PCDH9: variants seen among roughly 807,000 people sequenced by gnomAD.
PCDH9 encodes protocadherin-9.
A neutral mutation model predicts 70.6 loss-of-function variants in PCDH9; 24 were observed. The observed-to-expected ratio is 0.34, with a 90% CI of 0.25 to 0.48. The LOEUF is 0.48. Ranked by LOEUF, PCDH9 falls within the 20% of genes least tolerant of loss-of-function variation. The pLI, the probability that PCDH9 is intolerant of heterozygous loss-of-function variation, is 0.99. For missense variants in PCDH9, 1,281 were observed against 1,503.6 expected, an observed-to-expected ratio of 0.85 and a Z score of 2.45; for synonymous variants, 562 against 558.5, an observed-to-expected ratio of 1.01 and a Z score of -0.09.
chr13:66,675,472 C>T (rs192520406), intron 3 of PCDH9, among the ~76,000 whole-genome samples: 451 of 152,140 alleles, frequency 3.0e-3, no homozygotes, highest in African/African-American at 0.01. Flanking sequence ...TGGTTATAGA[C>T]GCTGCTATGT....
chr13:66,685,388 A>C (rs1291819186), intron 3 of PCDH9, among the ~76,000 whole-genome samples: 1 of 152,206 alleles, frequency 6.6e-6, no homozygotes, highest in African/African-American at 2.4e-5. Context: ...TCAAAAATTG[A>C]GGTTTGAGAA....
chr13:66,816,183 G>A (rs900617178), intron 3 of PCDH9, among the ~76,000 whole-genome samples: 1 of 152,082 alleles, frequency 6.6e-6, no homozygotes, highest in African/African-American at 2.4e-5. Flanking sequence ...CTTACAAACT[G>A]GAAAATTAAG....
At chr13:66,316,046 T>G (rs754637303) in intron 4 of PCDH9, among the ~76,000 whole-genome samples, 2 of 152,222 alleles carry the variant, frequency 1.3e-5, no homozygotes, top group African/African-American at 4.8e-5. Context: ...TTTCCTTTTA[T>G]TCAGATTCCT....
chr13:67,208,623 T>A (rs1416550185), intron 2 of PCDH9: 1 of 152,138 alleles, frequency 6.6e-6, no homozygotes, highest in Non-Finnish European at 1.5e-5. Context: ...TTTTCTTTAC[T>A]GCTATAAGTA....
chr13:66,749,168 C>G (rs775200464), intron 3 of PCDH9, among the ~76,000 whole-genome samples: 4 of 152,134 alleles, frequency 2.6e-5, no homozygotes, highest in Admixed American at 6.5e-5. Context: ...TTTATAGCAG[C>G]ATAAGAACAG....
In PCDH9 at chr13:66,959,970, A is replaced by G. The variant is rs74093688; in HGVS notation, c.3037-56365T>C. Among the ~76,000 whole-genome samples, 939 of 152,272 alleles carry G rather than the reference A, an allele frequency of 6.2e-3. 10 individuals carry two copies. Among genetic ancestry groups the G allele is most frequent in the African/African-American group, 0.021 (875 of 41,544 alleles). The stretch of plus-strand genomic sequence containing the variant: ...GAACATTGTCATTTCTTAGTGACTC[A>G]GTATTCTAAAACAGCATCTAACAAA... On this transcript the variant is annotated intron_variant, in intron 2 of 4. Transcript: ENST00000377865.
intron 2 of PCDH9, among the ~76,000 whole-genome samples, chr13:67,022,485 A>G (rs1368254785): frequency 6.6e-6 from 1 of 152,316 alleles, no homozygotes; most frequent in East Asian, 1.9e-4. Context: ...ATGTTATTAC[A>G]GCACAACCCT....
At position 66,822,403 on chromosome 13, in the gene PCDH9, C is replaced by A. The variant is rs546202413; in HGVS notation, c.3138+81101G>T. On this transcript the variant is annotated intron_variant, in intron 3 of 4. Transcript: ENST00000377865. The stretch of plus-strand genomic sequence containing the variant: ...TGAAGAAAATACGTTCAGTTTGTGA[C>A]ATGTTCAAAGTCATTATAAAAGATG... 4.6e-5 allele frequency among the ~76,000 whole-genome samples: 7 copies of A among 151,480 alleles called. No homozygotes were observed. The East Asian group carries it at 1.4e-3, about 29-fold the overall frequency.
At chr13:67,196,340 CTG>C (rs1322632001) in intron 2 of PCDH9, among the ~76,000 whole-genome samples, 1 of 151,956 alleles carries the variant, frequency 6.6e-6, no homozygotes, top group Non-Finnish European at 1.5e-5. Flanking sequence ...AAGAAATGGA[CTG>C]AGAGAGAATG....
chr13:66,400,307 T>C (rs895617071), intron 4 of PCDH9, among the ~76,000 whole-genome samples: 3 of 152,188 alleles, frequency 2.0e-5, no homozygotes, highest in African/African-American at 7.2e-5. Flanking sequence ...TATGAATGAG[T>C]ATCATTCTTA....
chr13:66,490,258 C>T (rs1290004934), intron 4 of PCDH9, among the ~76,000 whole-genome samples: 1 of 152,120 alleles, frequency 6.6e-6, no homozygotes, highest in Non-Finnish European at 1.5e-5. Context: ...GCCATTAAGG[C>T]CTCCTGAGTT....
At chr13:66,958,038 A>G (rs2083289857) in intron 2 of PCDH9, among the ~76,000 whole-genome samples, 1 of 152,232 alleles carries the variant, frequency 6.6e-6, no homozygotes, top group Non-Finnish European at 1.5e-5. Context: ...TGGCTTCAAA[A>G]ACAAGGAGAA....
rs1427724321 is a variant in PCDH9 at position 66,950,857 on chromosome 13, T to C, written c.3037-47252A>G. 2.6e-5 allele frequency among the ~76,000 whole-genome samples: 4 copies of C among 152,298 alleles called. 1 individual carries two copies. Among genetic ancestry groups the C allele is most frequent in the Admixed American group, 1.3e-4 (2 of 15,286 alleles). On this transcript the variant is annotated intron_variant, in intron 2 of 4. Transcript: ENST00000377865. Reference sequence around the variant, plus strand: ...GCCATCTATCTATCCATCTGTCATATGGCATAGGACAGGTTTTCCCATTGT... The same window carrying C: ...GCCATCTATCTATCCATCTGTCATACGGCATAGGACAGGTTTTCCCATTGT...
At chr13:66,582,815 C>A (rs1213941765) in intron 4 of PCDH9, among the ~76,000 whole-genome samples, 1 of 152,094 alleles carries the variant, frequency 6.6e-6, no homozygotes, top group Non-Finnish European at 1.5e-5. Flanking sequence ...GCTGAAGGTA[C>A]TATGAAGTCC....
chr13:67,070,934 T>C (rs1470138959), intron 2 of PCDH9, among the ~76,000 whole-genome samples: 1 of 152,188 alleles, frequency 6.6e-6, no homozygotes, highest in Non-Finnish European at 1.5e-5. Context: ...TCTGTATTTT[T>C]ATCAAGCTCC....
At chr13:67,173,326 G>A (rs1179137723) in intron 2 of PCDH9, among the ~76,000 whole-genome samples, 1 of 152,182 alleles carries the variant, frequency 6.6e-6, no homozygotes, top group Non-Finnish European at 1.5e-5. Context: ...AGAGGTACAG[G>A]TATTGAATCC....
chr13:67,046,335 G>A (rs1470821969), intron 2 of PCDH9, among the ~76,000 whole-genome samples: 2 of 152,098 alleles, frequency 1.3e-5, no homozygotes, highest in African/African-American at 2.4e-5. Context: ...TTTTTAGATT[G>A]GATTGGGACA....
At chr13:66,365,310 T>C (rs1956536550) in intron 4 of PCDH9, among the ~76,000 whole-genome samples, 1 of 152,210 alleles carries the variant, frequency 6.6e-6, no homozygotes, top group Non-Finnish European at 1.5e-5. Context: ...AACATGGTTG[T>C]CTGACAGTTA....
chr13:67,200,064 C>G (rs138140304), intron 2 of PCDH9, among the ~76,000 whole-genome samples: 126 of 152,178 alleles, frequency 8.3e-4, no homozygotes, highest in African/African-American at 2.9e-3. Context: ...AACATGCATT[C>G]TACATTTATG....
Sources: allele counts gnomAD v4.1 joint callset (sites outside exome capture counted in the v4.1 genomes callset), GRCh38; gene constraint gnomAD v4.1.1; transcripts MANE v1.5; gene names NCBI Gene and HGNC (gene_info 2026-07-23, HGNC 2026-07-21).